The following LSAMP variants were observed in gnomAD, a reference collection of about 807,000 sequenced individuals.
The protein encoded by LSAMP is limbic system associated membrane protein.
In LSAMP, 7 loss-of-function variants were observed where a neutral mutation model predicts 38.6. That is an observed-to-expected ratio of 0.18 (90% CI 0.10 to 0.34). The LOEUF (loss-of-function observed/expected upper bound fraction) is 0.34. Among genes scored for constraint, LSAMP ranks in the 10% least tolerant of loss-of-function variants. The pLI, the probability that LSAMP is intolerant of heterozygous loss-of-function variation, is 1.00. For synonymous variants in LSAMP, 154 were observed against 166.8 expected (o/e 0.92, Z 0.59); for missense variants, 313 against 420.0 (o/e 0.75, Z 2.23).
intron 4 of LSAMP, among the ~76,000 whole-genome samples, chr3:115,850,454 T>C (rs1014054730): frequency 6.6e-6 from 1 of 152,234 alleles, no homozygotes; most frequent in Non-Finnish European, 1.5e-5. Flanking sequence ...TGGTTGTGTG[T>C]ACATAAAAGA....
intron 2 of LSAMP, among the ~76,000 whole-genome samples, chr3:116,030,964 A>G (rs1424025568): frequency 6.6e-5 from 10 of 152,148 alleles, no homozygotes. Flanking sequence ...GTCATGGGCA[A>G]CCAAAATATT....
At chr3:115,903,284 T>C (rs374608576) in intron 3 of LSAMP, among the ~76,000 whole-genome samples, 5 of 152,148 alleles carry the variant, frequency 3.3e-5, no homozygotes, top group Admixed American at 1.3e-4. Context: ...GGGAGCTAAA[T>C]GATGAGAACA....
chr3:115,933,546 G>A (rs890964670), intron 3 of LSAMP, among the ~76,000 whole-genome samples: 2 of 152,098 alleles, frequency 1.3e-5, no homozygotes, highest in East Asian at 1.9e-4. Context: ...ATTGAGACCC[G>A]TAACATGAGC....
chr3:116,135,483 G>A (rs1182441304), intron 1 of LSAMP, among the ~76,000 whole-genome samples: 3 of 152,128 alleles, frequency 2.0e-5, no homozygotes, highest in Non-Finnish European at 4.4e-5. Flanking sequence ...CTATGGGATC[G>A]TATTTTCCTG....
At chr3:116,089,817 T>A (rs1353168980) in intron 1 of LSAMP, among the ~76,000 whole-genome samples, 1 of 151,854 alleles carries the variant, frequency 6.6e-6, no homozygotes, top group African/African-American at 2.4e-5. Flanking sequence ...AAAAATAAAA[T>A]AAAAAGGAAA....
intron 1 of LSAMP, among the ~76,000 whole-genome samples, chr3:116,096,229 G>C (rs894064331): frequency 1.3e-5 from 2 of 152,154 alleles, no homozygotes; most frequent in African/African-American, 4.8e-5. Flanking sequence ...TATTAAACAG[G>C]ATATATTTGG....
At chr3:116,097,054 G>A (rs772447191) in intron 1 of LSAMP, among the ~76,000 whole-genome samples, 7 of 152,090 alleles carry the variant, frequency 4.6e-5, no homozygotes, top group Non-Finnish European at 8.8e-5. Context: ...ACTGCCTTTG[G>A]TTGTACCTTT....
At position 116,328,005 on chromosome 3, in the gene LSAMP, C is replaced by A. The variant is rs145682083; in HGVS notation, c.155+116872G>T. ...TATTTCTGAGGCACTGTTTCACTCA[C>A]CTCCCTTCTCTTTGCATTTTTCTTT... is the stretch of plus-strand genomic sequence containing the variant. On this transcript the variant is annotated intron_variant, in intron 1 of 6. Transcript: ENST00000490035. 1.8e-3 allele frequency among the ~76,000 whole-genome samples: 269 copies of A among 152,226 alleles called. 3 individuals are homozygous for A. The highest frequency in any genetic ancestry group is 6.3e-3 in the African/African-American group (261 of 41,550).
chr3:116,395,571 A>G (rs1217923258), intron 1 of LSAMP, among the ~76,000 whole-genome samples: 1 of 152,180 alleles, frequency 6.6e-6, no homozygotes, highest in African/African-American at 2.4e-5. Flanking sequence ...TAGACAGCAC[A>G]GAGCTCTGGG....
chr3:115,997,314 T>C (rs1354891530), intron 3 of LSAMP, among the ~76,000 whole-genome samples: 1 of 152,042 alleles, frequency 6.6e-6, no homozygotes, highest in African/African-American at 2.4e-5. Flanking sequence ...ACAATGTACA[T>C]TCCATTGTGG....
chr3:116,017,996 G>A (rs1940533229), intron 3 of LSAMP, among the ~76,000 whole-genome samples: 1 of 152,074 alleles, frequency 6.6e-6, no homozygotes, highest in African/African-American at 2.4e-5. Context: ...GTGCTCTGAA[G>A]GTTTAATTCA....
chr3:116,392,146 C>T (rs1441867918), intron 1 of LSAMP, among the ~76,000 whole-genome samples: 1 of 152,188 alleles, frequency 6.6e-6, no homozygotes, highest in Non-Finnish European at 1.5e-5. Flanking sequence ...AGAGGCATGG[C>T]CGGGGTACAC....
intron 3 of LSAMP, among the ~76,000 whole-genome samples, chr3:115,954,959 G>GT (rs56322133): frequency 0.16 from 24,129 of 146,888 alleles, 2,446 homozygotes; most frequent in Admixed American, 0.23. Context: ...TTTTGTTTTT[G>GT]TTTTTTTTTT....
intron 1 of LSAMP, among the ~76,000 whole-genome samples, chr3:116,088,376 T>C (rs1708041785): frequency 6.6e-6 from 1 of 152,230 alleles, no homozygotes; most frequent in African/African-American, 2.4e-5. Context: ...CCTTTTATCA[T>C]GAGCACCAAG....
rs375023917 is a variant in LSAMP, at chr3:115,930,823, C to A, written c.515-78206G>T. ...TGCCTAACACCCTGACACCACAGGG[C>A]TTCCCAGGCTTGTTTGGTGGAGATC... On this transcript the variant is annotated intron_variant, in intron 3 of 6. Coordinates refer to ENST00000490035, the MANE Select transcript of LSAMP (RefSeq NM_002338.5). Among the ~76,000 whole-genome samples, 80 of 152,288 alleles carry A rather than the reference C, an allele frequency of 5.3e-4. 1 individual carries two copies. The South Asian group carries it at 0.016, about 30-fold the overall frequency.
At chr3:115,945,695 T>G (rs1317281138) in intron 3 of LSAMP, among the ~76,000 whole-genome samples, 1 of 152,124 alleles carries the variant, frequency 6.6e-6, no homozygotes, top group East Asian at 1.9e-4. Context: ...GACTGGAAAC[T>G]GAAGGAAATC....
At chr3:115,827,719 G>A (rs1227827108) in intron 6 of LSAMP, among the ~76,000 whole-genome samples, 1 of 152,114 alleles carries the variant, frequency 6.6e-6, no homozygotes, top group Non-Finnish European at 1.5e-5. Context: ...ATCTGTGGTG[G>A]ATATAAGCTG....
At chr3:115,981,641 AT>A (rs1414428123) in intron 3 of LSAMP, among the ~76,000 whole-genome samples, 1 of 152,118 alleles carries the variant, frequency 6.6e-6, no homozygotes, top group Non-Finnish European at 1.5e-5. Flanking sequence ...ATGAATTCTG[AT>A]TGGCTAGTTG....
At chr3:116,318,731 T>A (rs2047667822) in intron 1 of LSAMP, among the ~76,000 whole-genome samples, 1 of 152,244 alleles carries the variant, frequency 6.6e-6, no homozygotes, top group East Asian at 1.9e-4. Context: ...ATATTATATT[T>A]GGATACTGTA....
Sources: allele counts gnomAD v4.1 joint callset (sites outside exome capture counted in the v4.1 genomes callset), GRCh38; gene constraint gnomAD v4.1.1; transcripts MANE v1.5; gene names NCBI Gene and HGNC (gene_info 2026-07-23, HGNC 2026-07-21).